SPATA6L: variants seen among roughly 807,000 people sequenced by gnomAD.
The protein encoded by SPATA6L is spermatogenesis associated 6 like.
Under a neutral mutation model 49.2 loss-of-function variants are expected in SPATA6L, and 68 were observed. That is an observed-to-expected ratio of 1.38 (90% CI 1.14 to 1.69). SPATA6L has a LOEUF of 1.69. Ranked by LOEUF, SPATA6L falls within the 40% of genes most tolerant of loss-of-function variation. SPATA6L has a pLI of 0.00. For missense variants in SPATA6L, 668 were observed against 464.3 expected, an observed-to-expected ratio of 1.44 and a Z score of -4.03; for synonymous variants, 198 against 165.7, an observed-to-expected ratio of 1.19 and a Z score of -1.50.
At chr9:4,653,101 T>C (rs1168231782) in intron 3 of SPATA6L, among the ~76,000 whole-genome samples, 3 of 152,196 alleles carry the variant, frequency 2.0e-5, no homozygotes, top group Admixed American at 2.0e-4. Flanking sequence ...TTACACTTCC[T>C]GGTTTTGAAA....
chr9:4,620,103 C>G (rs1452693567), intron 7 of SPATA6L, among the ~76,000 whole-genome samples: 2 of 152,050 alleles, frequency 1.3e-5, no homozygotes, highest in Non-Finnish European at 1.5e-5. Flanking sequence ...TGTGTGCCAC[C>G]TTGTCCCAGG....
chr9:4,660,972 A>T (rs1364431446), intron 2 of SPATA6L, among the ~76,000 whole-genome samples: 1 of 152,170 alleles, frequency 6.6e-6, no homozygotes. Flanking sequence ...ATAGGTGGGA[A>T]TTGAACAATG....
chr9:4,637,448 G>C (rs73393851), intron 3 of SPATA6L, among the ~76,000 whole-genome samples: 8 of 152,160 alleles, frequency 5.3e-5, no homozygotes, highest in African/African-American at 1.9e-4. Flanking sequence ...GTATTTATTC[G>C]TGATCTGCTT....
chr9:4,651,701 C>T (rs1158699923), intron 3 of SPATA6L, among the ~76,000 whole-genome samples: 1 of 150,346 alleles, frequency 6.7e-6, no homozygotes, highest in East Asian at 2.0e-4. Flanking sequence ...ATAAAAAAAT[C>T]ACATGATCAT....
intron 6 of SPATA6L, chr9:4,625,096 A>C (rs1273504465): frequency 1.6e-6 from 1 of 617,068 alleles, no homozygotes; most frequent in African/African-American, 1.9e-5. Context: ...AAAATTAAAA[A>C]TAGGGATGGC....
At chr9:4,611,362 G>A (rs1369681200) in intron 9 of SPATA6L, among the ~76,000 whole-genome samples, 6 of 148,760 alleles carry the variant, frequency 4.0e-5, no homozygotes, top group Admixed American at 1.3e-4. Context: ...TGTTTATTGC[G>A]GCACTACTCA....
chr9:4,592,258 T>C (rs1821952316), intron 13 of SPATA6L, among the ~76,000 whole-genome samples: 1 of 144,190 alleles, frequency 6.9e-6, no homozygotes, highest in East Asian at 2.0e-4. Context: ...GAGTTTGCAG[T>C]GAGCTGAGAT....
chr9:4,601,576 C>A (rs1022988689), intron 11 of SPATA6L, among the ~76,000 whole-genome samples: 2 of 152,176 alleles, frequency 1.3e-5, no homozygotes, highest in African/African-American at 2.4e-5. Flanking sequence ...GTTTTTGGCT[C>A]AAGAATCCCT....
intron 5 of SPATA6L, chr9:4,627,670 G>T: frequency 8.6e-7 from 1 of 1,160,364 alleles, no homozygotes; most frequent in Non-Finnish European, 1.1e-6. Context: ...AGAAATTGGG[G>T]TGAGGGAGGC....
chr9:4,613,493 G>A (rs987899482), intron 9 of SPATA6L, among the ~76,000 whole-genome samples: 2 of 152,016 alleles, frequency 1.3e-5, no homozygotes, highest in African/African-American at 4.8e-5. Context: ...CAAATCCATT[G>A]CCAACCCAAG....
At chr9:4,614,104 C>T (rs919401507) in intron 9 of SPATA6L, among the ~76,000 whole-genome samples, 3 of 152,144 alleles carry the variant, frequency 2.0e-5, no homozygotes, top group Non-Finnish European at 2.9e-5. Flanking sequence ...ATGGGAGCAG[C>T]GCTGTGCCTT....
chr9:4,622,182 G>A (rs544011400), intron 7 of SPATA6L, among the ~76,000 whole-genome samples: 28 of 152,298 alleles, frequency 1.8e-4, no homozygotes, highest in South Asian at 1.2e-3. Flanking sequence ...TCAGCACGCC[G>A]CTCAGAACGG....
rs372913871 is a variant in SPATA6L at position 4,654,661 on chromosome 9, G to A, written c.226+1380C>T. On this transcript the variant is annotated intron_variant, in intron 3 of 11. Transcript: ENST00000682582. ...CAGCAGATGGGGGAGCCAGCAGGGA[G>A]ATGGTTTTCCCCTGGAGTTGGGCCA... Among the ~76,000 whole-genome samples the A allele has an allele frequency of 2.6e-5, 4 of 152,194 alleles. No individual in the cohort carries two copies. The South Asian group carries it at 8.3e-4, about 32-fold the overall frequency.
chr9:4,656,255 A>G (rs1226394741), intron 2 of SPATA6L, among the ~76,000 whole-genome samples, 166 bp from the exon 3 acceptor site: 2 of 152,158 alleles, frequency 1.3e-5, no homozygotes, highest in Non-Finnish European at 2.9e-5. Context: ...CCTGGGCAAC[A>G]TGGTGAAACC....
chr9:4,602,295 C>G, intron 11 of SPATA6L, among the ~76,000 whole-genome samples: 1 of 152,116 alleles, frequency 6.6e-6, no homozygotes, highest in African/African-American at 2.4e-5. Flanking sequence ...CGTATAACCA[C>G]CTAAATAATT....
At chr9:4,636,926 G>A (rs568473670) in intron 3 of SPATA6L, among the ~76,000 whole-genome samples, 5 of 152,190 alleles carry the variant, frequency 3.3e-5, no homozygotes, top group South Asian at 4.1e-4. Flanking sequence ...TTACTGCCAT[G>A]GCTGTAGTTG....
At chr9:4,634,233 C>G (rs1448616150) in intron 4 of SPATA6L, among the ~76,000 whole-genome samples, 1 of 152,254 alleles carries the variant, frequency 6.6e-6, no homozygotes, top group South Asian at 2.1e-4. Context: ...TTTTTAACCC[C>G]TTTTATCTTC....
At chr9:4,663,232 C>A in intron 1 of SPATA6L, 3 of 1,614,014 alleles carry the variant, frequency 1.9e-6, no homozygotes, top group Non-Finnish European at 2.5e-6. Context: ...CATAATGCTC[C>A]GGTCCTCTTT....
intron 3 of SPATA6L, among the ~76,000 whole-genome samples, chr9:4,643,406 T>A (rs749299897): frequency 6.6e-6 from 1 of 152,194 alleles, no homozygotes; most frequent in Non-Finnish European, 1.5e-5. Flanking sequence ...TGGAACCTTA[T>A]TGGGGATCAG....
Sources: allele counts gnomAD v4.1 joint callset (sites outside exome capture counted in the v4.1 genomes callset), GRCh38; gene constraint gnomAD v4.1.1; transcripts MANE v1.5; gene names NCBI Gene and HGNC (gene_info 2026-07-23, HGNC 2026-07-21).